Variants in EXT2 observed in about 807,000 individuals in gnomAD.
The protein encoded by EXT2 is exostosin glycosyltransferase 2, also known as exostosin-2.
Under a neutral mutation model 81.6 loss-of-function variants are expected in EXT2, and 53 were observed. That is an observed-to-expected ratio of 0.65 (90% confidence interval 0.52 to 0.82). EXT2 has a LOEUF of 0.82. EXT2 is among the 40% of genes least tolerant of loss of function. The pLI is 0.00. For missense variants in EXT2, 774 were observed against 910.2 expected (o/e 0.85, Z 1.93); for synonymous variants, 320 against 340.0 (o/e 0.94, Z 0.65).
chr11:44,114,395 T>G, intron 4 of EXT2, 94 bp downstream of exon 4: 6 of 1,098,310 alleles, frequency 5.5e-6, no homozygotes, highest in Non-Finnish European at 8.4e-6. Flanking sequence ...AACCAATACA[T>G]CAGTTACAGG....
intron 7 of EXT2, chr11:44,144,416 A>C: frequency 8.0e-7 from 1 of 1,252,954 alleles, no homozygotes; most frequent in Non-Finnish European, 1.1e-6. Context: ...GACCAAACAC[A>C]GTTTTATTGG....
intron 10 of EXT2, among the ~76,000 whole-genome samples, chr11:44,216,993 G>A (rs981800386): frequency 4.1e-5 from 6 of 146,392 alleles, no homozygotes; most frequent in Admixed American, 2.1e-4. Context: ...ACAAGGCTGC[G>A]GCACACTAGA....
intron 1 of EXT2, among the ~76,000 whole-genome samples, chr11:44,097,749 A>C (rs1168154635): frequency 7.4e-6 from 1 of 134,586 alleles, no homozygotes; most frequent in Non-Finnish European, 1.5e-5. Flanking sequence ...ACAGAGCAAG[A>C]CTCCATCTCA....
chr11:44,109,562 C>T (rs144008107), intron 3 of EXT2, among the ~76,000 whole-genome samples: 1 of 152,298 alleles, frequency 6.6e-6, no homozygotes, highest in African/African-American at 2.4e-5. Flanking sequence ...GTGTGACAGG[C>T]TTGTGCTAGC....
chr11:44,149,081 G>T (rs970568724), intron 7 of EXT2, among the ~76,000 whole-genome samples: 2 of 152,192 alleles, frequency 1.3e-5, no homozygotes, highest in Non-Finnish European at 1.5e-5. Context: ...AGAGTTTGGG[G>T]TTGGGTGCAG....
chr11:44,244,993 AT>A lies in EXT2; in HGVS notation c.*709del, dbSNP rs1956080386. The stretch of plus-strand genomic sequence containing the variant: ...AGGAACCACCTTTCTCCCTTGATAT[AT>A]TTAACTCCGTCTTTGGCCTGACAAC... On this transcript the variant is annotated 3_prime_UTR_variant, in exon 14 of 14. Transcript: ENST00000533608. 4.3e-6 allele frequency: 1 copy of A among 232,294 alleles called. No individual in the cohort carries two copies. The highest frequency in any genetic ancestry group is 1.8e-4 in the South Asian group (1 of 5,524). 14.4% of individuals were successfully genotyped at this position (232,294 alleles called of 1,614,324 possible).
chr11:44,117,320 A>C (rs1954236718), intron 4 of EXT2, among the ~76,000 whole-genome samples: 1 of 152,196 alleles, frequency 6.6e-6, no homozygotes, highest in South Asian at 2.1e-4. Context: ...ATTTTGATGA[A>C]GTCAATTTAT....
At chr11:44,232,066 GA>G in intron 10 of EXT2, among the ~76,000 whole-genome samples, 1 of 152,206 alleles carries the variant, frequency 6.6e-6, no homozygotes, top group East Asian at 1.9e-4. Flanking sequence ...CATATGTTAA[GA>G]GATTGCCTAC....
intron 10 of EXT2, among the ~76,000 whole-genome samples, chr11:44,219,961 G>A (rs183096963): frequency 6.6e-6 from 1 of 152,316 alleles, no homozygotes; most frequent in East Asian, 1.9e-4. Flanking sequence ...GACTCAGATC[G>A]TTGAGCCTAA....
intron 10 of EXT2, among the ~76,000 whole-genome samples, chr11:44,229,435 G>A (rs767526303): frequency 3.6e-4 from 55 of 152,332 alleles, no homozygotes; most frequent in Middle Eastern, 6.8e-3. Context: ...ACAACACAGT[G>A]TTAATGAAGC....
Position 44,245,232 on chromosome 11 carries a change from G to T in EXT2, c.*945G>T. On this transcript the variant is annotated 3_prime_UTR_variant, in exon 14 of 14. Transcript: ENST00000533608. The stretch of plus-strand genomic sequence containing the variant: ...GTCTGTACTAGCCATGCAAGGAGTC[G>T]CTCTAGCTGGTACCCGTAAAAGTTG... The T allele has an allele frequency of 4.4e-6, 1 of 227,224 alleles. No homozygotes were observed. The highest frequency in any genetic ancestry group is 8.8e-6 in the Non-Finnish European group (1 of 113,978). 14.1% of individuals were successfully genotyped at this position (227,224 alleles called of 1,614,324 possible). A position where few individuals can be genotyped will look rare whatever the true frequency, so the allele number is the denominator to read the frequency against.
chr11:44,193,061 C>T (rs895159707), intron 8 of EXT2, among the ~76,000 whole-genome samples: 1 of 152,022 alleles, frequency 6.6e-6, no homozygotes. Flanking sequence ...CTCCTGCCTT[C>T]GTGGAGCTTT....
intron 9 of EXT2, 70 bp from the exon 10 acceptor site, chr11:44,206,711 CTCATTTGTGATG>C: frequency 6.9e-7 from 1 of 1,454,446 alleles, no homozygotes; most frequent in East Asian, 2.3e-5. Context: ...ATTCTCCCAT[CTCATTTGTGATG>C]TCATGCTTTT....
rs1956122688 is a variant in EXT2, at chr11:44,249,436, G to A, written c.*5149G>A. Among the ~76,000 whole-genome samples the A allele has an allele frequency of 6.6e-6, 1 of 152,238 alleles. No homozygotes were observed. Among genetic ancestry groups the A allele is most frequent in the Non-Finnish European group, 1.5e-5 (1 of 68,046 alleles). On this transcript the variant is annotated 3_prime_UTR_variant, in exon 14 of 14. Transcript: ENST00000533608. The stretch of plus-strand genomic sequence containing the variant: ...CAAGAAGTACCAGGCAGCTGTGTCT[G>A]CTAGAGGCTTCCTCAGCAAAGCCCC...
chr11:44,172,583 C>CTT (rs35070892), intron 8 of EXT2, among the ~76,000 whole-genome samples: 1,426 of 107,374 alleles, frequency 0.013, 42 homozygotes, highest in African/African-American at 0.043. Flanking sequence ...TCTACCTTTT[C>CTT]TTTTTTTTTT....
intron 7 of EXT2, among the ~76,000 whole-genome samples, chr11:44,130,877 C>T (rs954412120): frequency 6.6e-6 from 1 of 152,232 alleles, no homozygotes; most frequent in Middle Eastern, 3.2e-3. Context: ...GCAGTACGTG[C>T]GTAAGTGTCC....
chr11:44,128,911 G>A lies in EXT2; in HGVS notation c.1080-1134G>A, dbSNP rs564735391. On this transcript the variant is annotated intron_variant, in intron 6 of 13. Coordinates refer to ENST00000533608, the MANE Select transcript of EXT2 (RefSeq NM_207122.2). ...GTAATATACCAGGTGCTGAGGATAC[G>A]CTGGTGAGTGGAGCCAGGCACACTT... Among the ~76,000 whole-genome samples the A allele has an allele frequency of 4.6e-5, 7 of 152,330 alleles. No individual in the cohort carries two copies. In the South Asian group the frequency reaches 1.4e-3, roughly 32 times the overall value.
intron 7 of EXT2, among the ~76,000 whole-genome samples, chr11:44,131,384 C>A (rs1396350787): frequency 6.6e-6 from 1 of 152,138 alleles, no homozygotes; most frequent in African/African-American, 2.4e-5. Context: ...TAGGTTCTTA[C>A]CTCAGATTGC....
At chr11:44,204,399 A>T (rs1327727946) in intron 9 of EXT2, among the ~76,000 whole-genome samples, 3 of 151,740 alleles carry the variant, frequency 2.0e-5, no homozygotes, top group Admixed American at 1.3e-4. Context: ...GTGTGTGTGT[A>T]TCCTATATAA....
Sources: allele counts gnomAD v4.1 joint callset (sites outside exome capture counted in the v4.1 genomes callset), GRCh38; gene constraint gnomAD v4.1.1; transcripts MANE v1.5; gene names NCBI Gene and HGNC (gene_info 2026-07-23, HGNC 2026-07-21).